Variants in PCMTD2 observed in about 807,000 individuals in gnomAD.
The protein encoded by PCMTD2 is protein-L-isoaspartate O-methyltransferase domain-containing protein 2.
PCMTD2 carries 16 observed loss-of-function variants against 33.4 expected under a neutral mutation model. That is an observed-to-expected ratio of 0.48 (90% CI 0.32 to 0.73). The LOEUF is 0.73. Ranked by LOEUF, PCMTD2 falls within the 30% of genes least tolerant of loss-of-function variation. The probability of loss-of-function intolerance (pLI) is 0.03; values close to 1 mark genes in which losing one functional copy is unlikely to be tolerated. For missense variants in PCMTD2, 374 were observed against 449.9 expected (o/e 0.83, Z 1.53); for synonymous variants, 161 against 160.8 (o/e 1.00, Z -0.01).
At chr20:64,268,701 A>G (rs1222749950) in intron 5 of PCMTD2, among the ~76,000 whole-genome samples, 1 of 151,192 alleles carries the variant, frequency 6.6e-6, no homozygotes, top group Admixed American at 6.6e-5. Flanking sequence ...AATAATAGGA[A>G]GGGAAAAGTT....
chr20:64,266,636 A>C (rs531375181), intron 4 of PCMTD2, among the ~76,000 whole-genome samples: 1 of 152,262 alleles, frequency 6.6e-6, no homozygotes, highest in Admixed American at 6.5e-5. Context: ...CAATTGCCTC[A>C]CCTCAGCCTC....
intron 5 of PCMTD2, among the ~76,000 whole-genome samples, chr20:64,269,721 G>A (rs1395675138): frequency 1.3e-5 from 2 of 149,200 alleles, no homozygotes; most frequent in Non-Finnish European, 3.0e-5. Context: ...GTGTGGGGTC[G>A]TGAGAGTGCG....
In PCMTD2 at chr20:64,267,874, G is replaced by T. The variant is rs1206804773; in HGVS notation, c.583-13G>T. 5 of 1,610,414 alleles carry T rather than the reference G, an allele frequency of 3.1e-6. No homozygotes were observed. The highest frequency in any genetic ancestry group is 4.2e-6 in the Non-Finnish European group (5 of 1,177,534). On this transcript the variant is annotated splice_polypyrimidine_tract_variant and intron_variant, in intron 4 of 5. Coordinates refer to ENST00000308824, the MANE Select transcript of PCMTD2 (RefSeq NM_018257.3). The stretch of plus-strand genomic sequence containing the variant: ...CAATTCTTTTGAATATTCTCATTTT[G>T]TCTCTGGGATAGTTGACTAAGATAA...
rs1463633896 is a variant in PCMTD2 at position 64,265,013 on chromosome 20, T to A, written c.411-245T>A. Among the ~76,000 whole-genome samples, 156 of 152,318 alleles carry A rather than the reference T, an allele frequency of 1.0e-3. 1 individual carries two copies. Among genetic ancestry groups the A allele is most frequent in the Non-Finnish European group, 1.2e-4 (8 of 68,026 alleles). On this transcript the variant is annotated intron_variant, in intron 3 of 5. Coordinates refer to ENST00000308824, the MANE Select transcript of PCMTD2 (RefSeq NM_018257.3). The stretch of plus-strand genomic sequence containing the variant: ...AGCAGCGACTGGAGATTGTGTGAAA[T>A]TTGGATAAAACTTTTGATATTCACT...
chr20:64,259,512 G>A lies in PCMTD2; in HGVS notation c.-24-430G>A, dbSNP rs996756261. On this transcript the variant is annotated intron_variant, in intron 1 of 5. Coordinates refer to ENST00000308824, the MANE Select transcript of PCMTD2 (RefSeq NM_018257.3). ...CAAGTGATTCTTCTCCCTCAGCCTC[G>A]CCAGTAGCTGGGATTACAGGCATCC... is the stretch of plus-strand genomic sequence containing the variant. 5.2e-4 allele frequency among the ~76,000 whole-genome samples: 77 copies of A among 149,492 alleles called. 1 individual carries two copies. Among genetic ancestry groups the A allele is most frequent in the Non-Finnish European group, 1.5e-5 (1 of 67,730 alleles).
At chr20:64,272,209 T>G in intron 5 of PCMTD2, 1 of 506,166 alleles carries the variant, frequency 2.0e-6, no homozygotes, top group Non-Finnish European at 3.8e-6. Context: ...GCTGAGATTC[T>G]GTGCAGGCCT....
At chr20:64,268,534 A>T (rs927767785) in intron 5 of PCMTD2, among the ~76,000 whole-genome samples, 5 of 152,350 alleles carry the variant, frequency 3.3e-5, no homozygotes, top group Middle Eastern at 3.4e-3. Flanking sequence ...ATGCAAACTG[A>T]GCAAGGAACT....
At chr20:64,272,255 A>G (rs866754841) in intron 5 of PCMTD2, 2 of 457,154 alleles carry the variant, frequency 4.4e-6, no homozygotes, top group Middle Eastern at 6.5e-4. Context: ...GCACAACACA[A>G]GAGCTCTCCC....
chr20:64,263,796 C>T (rs926602755), intron 2 of PCMTD2, among the ~76,000 whole-genome samples: 5 of 152,092 alleles, frequency 3.3e-5, no homozygotes, highest in African/African-American at 4.8e-5. Flanking sequence ...GAATTTTGCC[C>T]GATTTTTACC....
At chr20:64,272,390 G>A (rs772198070) in intron 5 of PCMTD2, among the ~76,000 whole-genome samples, 2 of 152,188 alleles carry the variant, frequency 1.3e-5, no homozygotes, top group Non-Finnish European at 2.9e-5. Flanking sequence ...AGCTTTAATT[G>A]TCAAATGTTC....
At chr20:64,265,537 A>G in intron 4 of PCMTD2, 108 bp downstream of exon 4, 1 of 890,194 alleles carries the variant, frequency 1.1e-6, no homozygotes, top group Non-Finnish European at 1.7e-6. Context: ...TTCACAAATG[A>G]GGAAACAGAG....
chr20:64,267,000 G>A (rs1445204684), intron 4 of PCMTD2, among the ~76,000 whole-genome samples: 2 of 152,072 alleles, frequency 1.3e-5, no homozygotes, highest in African/African-American at 4.8e-5. Context: ...AGTACGTGGC[G>A]ACTTAATCCT....
Position 64,259,386 on chromosome 20 carries a change from CTTT to C in PCMTD2, c.-24-538_-24-536del, listed in dbSNP as rs3076992. The stretch of plus-strand genomic sequence containing the variant: ...CCACCTAAAGTTTTTTTTCTTTTCT[CTTT>C]TTTTTTTTTTTTTTTTTGAGACAGA... On this transcript the variant is annotated intron_variant, in intron 1 of 5. Coordinates refer to ENST00000308824, the MANE Select transcript of PCMTD2 (RefSeq NM_018257.3). Among the ~76,000 whole-genome samples the C allele has an allele frequency of 3.0e-3, 351 of 118,672 alleles. 3 individuals are homozygous for C. In the South Asian group the frequency reaches 0.033, roughly 11 times the overall value. The allele number at this position is 118,672 out of a possible 152,430, so 77.9% of individuals were successfully genotyped here. A position where few individuals can be genotyped will look rare whatever the true frequency, so the allele number is the denominator to read the frequency against.
In PCMTD2 at chr20:64,273,508, G is replaced by C. The variant is rs368220103; in HGVS notation, c.994G>C (p.Asp332His). Residue 332 changes from aspartate to histidine, a missense_variant, in exon 6 of 6, where the codon GAC (aspartate) becomes CAC (histidine). Transcript: ENST00000308824. ...EEKTPPETKPDPPVNFLRQKV... is the reference protein window; with the variant it reads ...EEKTPPETKPHPPVNFLRQKV... ...GAAGACCCCGCCGGAAACAAAGCCA[G>C]ACCCCCCAGTGAACTTCCTACGCCA... 2.1e-5 allele frequency: 33 copies of C among 1,603,512 alleles called. No individual in the cohort carries two copies. Among genetic ancestry groups the C allele is most frequent in the Non-Finnish European group, 2.7e-5 (32 of 1,176,132 alleles).
chr20:64,264,494 CTG>C lies in PCMTD2; in HGVS notation c.374_375del (p.Leu125ArgfsTer8), dbSNP rs1322818563. 1 of 1,601,990 alleles carries C rather than the reference CTG, an allele frequency of 6.2e-7. No homozygotes were observed. Among genetic ancestry groups the C allele is most frequent in the South Asian group, 1.1e-5 (1 of 90,832 alleles). On this transcript the variant is annotated frameshift_variant, in exon 3 of 6. Coordinates refer to ENST00000308824, the MANE Select transcript of PCMTD2 (RefSeq NM_018257.3). LOFTEE classifies it high-confidence loss of function. ...SDVIEYAKQK[L>X]DFFIRTSDSF... is the part of the protein sequence containing the mutation. ...TGTGATAGAGTATGCAAAGCAGAAA[CTG>C]GACTTCTTCATCAGAACAAGTGATA...
Position 64,275,243 on chromosome 20 carries a change from ATG to A in PCMTD2, c.*1648_*1649del, listed in dbSNP as rs796820113. Reference sequence around the variant, plus strand: ...TCAAGCTTCAGTCTTTCAAAGAGAAATGTGTGATTTTCATTTACTTGCTGATA... The same window carrying A: ...TCAAGCTTCAGTCTTTCAAAGAGAAATGTGATTTTCATTTACTTGCTGATA... On this transcript the variant is annotated 3_prime_UTR_variant, in exon 6 of 6. Coordinates refer to ENST00000308824, the MANE Select transcript of PCMTD2 (RefSeq NM_018257.3). The A allele has an allele frequency of 6.4e-4, 97 of 152,310 alleles. No homozygotes were observed. Among genetic ancestry groups the A allele is most frequent in the African/African-American group, 2.2e-3 (90 of 41,578 alleles). 9.4% of individuals were successfully genotyped at this position (152,310 alleles called of 1,614,324 possible).
intron 5 of PCMTD2, among the ~76,000 whole-genome samples, chr20:64,272,634 C>T (rs1453736288): frequency 6.6e-6 from 1 of 152,298 alleles, no homozygotes; most frequent in South Asian, 2.1e-4. Context: ...TCCTGGCCAA[C>T]GTGGTTGAAA....
intron 2 of PCMTD2, 60 bp downstream of exon 2, chr20:64,260,332 G>C: frequency 1.6e-6 from 2 of 1,224,616 alleles, no homozygotes. Context: ...CATCTCCTTT[G>C]ACAGAAAATG....
At chr20:64,259,572 T>C (rs1470784387) in intron 1 of PCMTD2, among the ~76,000 whole-genome samples, 1 of 152,014 alleles carries the variant, frequency 6.6e-6, no homozygotes, top group Non-Finnish European at 1.5e-5. Context: ...TATTTTTTAG[T>C]AGAGACGGGG....
Sources: allele counts gnomAD v4.1 joint callset (sites outside exome capture counted in the v4.1 genomes callset), GRCh38; gene constraint gnomAD v4.1.1; transcripts MANE v1.5; gene names NCBI Gene and HGNC (gene_info 2026-07-23, HGNC 2026-07-21).